Variants in SERPINA12 observed in about 807,000 individuals in gnomAD.
SERPINA12 encodes serpin A12.
A neutral mutation model predicts 25.9 loss-of-function variants in SERPINA12; 21 were observed. That is an observed-to-expected ratio of 0.81 (90% CI 0.58 to 1.17). The LOEUF is 1.17. Among genes scored for constraint, SERPINA12 ranks in the 50% most tolerant of loss-of-function variants. The pLI is 0.00. For missense variants in SERPINA12, 562 were observed against 508.3 expected, an observed-to-expected ratio of 1.11 and a Z score of -1.02; for synonymous variants, 220 against 196.0, an observed-to-expected ratio of 1.12 and a Z score of -1.02.
chr14:94,511,377 T>C, upstream of SERPINA12: 1 of 982,306 alleles, frequency 1.0e-6, no homozygotes, highest in East Asian at 1.1e-4. Flanking sequence ...CACGGTTATT[T>C]AATGGATGTG....
intron 2 of SERPINA12, among the ~76,000 whole-genome samples, chr14:94,496,981 A>T (rs780783577): frequency 5.3e-5 from 8 of 152,214 alleles, no homozygotes; most frequent in Non-Finnish European, 1.2e-4. Context: ...ATTGAGTCTG[A>T]TGTGAGTAGA....
At chr14:94,515,450 GAGCAGGGAGCCACCCACTC>G (rs1901209138) in intron 2 of SERPINA12, among the ~76,000 whole-genome samples, 1 of 152,158 alleles carries the variant, frequency 6.6e-6, no homozygotes, top group South Asian at 2.1e-4. Flanking sequence ...GGCAGTGAAG[GAGCAGGGAGCCACCCACTC>G]AGCATCTCCG....
intron 4 of SERPINA12, among the ~76,000 whole-genome samples, chr14:94,489,250 AAGAG>A (rs1234925181): frequency 4.0e-5 from 6 of 151,622 alleles, no homozygotes; most frequent in African/African-American, 1.2e-4. Context: ...GAGAGAGAGA[AAGAG>A]AGAAAGAAAG....
At chr14:94,507,702 C>T (rs1900980314) in intron 1 of SERPINA12, among the ~76,000 whole-genome samples, 2 of 152,166 alleles carry the variant, frequency 1.3e-5, no homozygotes, top group Admixed American at 1.3e-4. Flanking sequence ...CACACGAGGA[C>T]GTGGAGCAAG....
chr14:94,513,183 A>G (rs1168859144), upstream of SERPINA12, among the ~76,000 whole-genome samples: 2 of 152,204 alleles, frequency 1.3e-5, no homozygotes, highest in African/African-American at 2.4e-5. Flanking sequence ...GTGGGCTGGT[A>G]AGCAGGTCAC....
intron 4 of SERPINA12, among the ~76,000 whole-genome samples, chr14:94,488,413 C>T (rs1899992960): frequency 6.6e-6 from 1 of 151,840 alleles, no homozygotes; most frequent in African/African-American, 2.4e-5. Flanking sequence ...CAGCCTTGGC[C>T]ACACTGCTGC....
At chr14:94,513,869 G>A (rs1427346720), upstream of SERPINA12, among the ~76,000 whole-genome samples, 1 of 152,158 alleles carries the variant, frequency 6.6e-6, no homozygotes, top group Non-Finnish European at 1.5e-5. Flanking sequence ...CAGCCCCTCT[G>A]CATCACTTCC....
chr14:94,509,430 C>T lies in SERPINA12; in HGVS notation c.-122G>A, dbSNP rs541385005. 3.3e-5 allele frequency among the ~76,000 whole-genome samples: 5 copies of T among 152,204 alleles called. No homozygotes were observed. Among genetic ancestry groups the T allele is most frequent in the East Asian group, 1.9e-4 (1 of 5,184 alleles). ...TGATCCCAGCCTCCTAGTCCTTTTT[C>T]GGTCCTGGTCCTGCAGCCTTCAGGT... is the stretch of plus-strand genomic sequence containing the variant. On this transcript the variant is annotated 5_prime_UTR_variant, in exon 1 of 5. Transcript: ENST00000677451.
chr14:94,491,442 G>A (rs1223006657), intron 3 of SERPINA12, among the ~76,000 whole-genome samples: 2 of 152,060 alleles, frequency 1.3e-5, no homozygotes, highest in Non-Finnish European at 2.9e-5. Flanking sequence ...ACATAGTCTT[G>A]CTTAGGATTT....
At chr14:94,492,066 G>A (rs1359514009) in intron 3 of SERPINA12, among the ~76,000 whole-genome samples, 1 of 152,140 alleles carries the variant, frequency 6.6e-6, no homozygotes, top group Non-Finnish European at 1.5e-5. Context: ...AGAGGTGGGA[G>A]GTGATGTGAG....
chr14:94,509,926 C>A (rs1901064878), upstream of SERPINA12: 1 of 959,366 alleles, frequency 1.0e-6, no homozygotes, highest in Non-Finnish European at 1.2e-6. Context: ...GGTGTGGGCA[C>A]CCTGGCACTG....
At position 94,498,325 on chromosome 14, in the gene SERPINA12, A is replaced by C; in HGVS notation, c.73T>G (p.Phe25Val). ...AAAGCTTTATAATTCCTTGGTGAGAAGCTCGGCTTTAGAAGACCTTTCACC... is the reference window on the plus strand; with the variant it reads ...AAAGCTTTATAATTCCTTGGTGAGACGCTCGGCTTTAGAAGACCTTTCACC... ...LTVKGLLKPS[F>V]SPRNYKALSE... Residue 25 changes from phenylalanine to valine, a missense_variant, in exon 2 of 5, where the codon TTC becomes GTC. Coordinates refer to ENST00000677451, the MANE Select transcript of SERPINA12 (RefSeq NM_001382267.1). 3 of 1,614,240 alleles carry C rather than the reference A, an allele frequency of 1.9e-6. No homozygotes were observed. The highest frequency in any genetic ancestry group is 2.5e-6 in the Non-Finnish European group (3 of 1,180,038).
rs560266384 is a variant in SERPINA12, at chr14:94,488,929, T to C, written c.1053+691A>G. Reference sequence around the variant, plus strand: ...GGCCAACATGGTGAAACCCTGTCTCTACTAAAAATACAAAAAAATTAGCCG... The same window carrying C: ...GGCCAACATGGTGAAACCCTGTCTCCACTAAAAATACAAAAAAATTAGCCG... On this transcript the variant is annotated intron_variant, in intron 4 of 4. Transcript: ENST00000677451. 5.1e-4 allele frequency among the ~76,000 whole-genome samples: 77 copies of C among 152,192 alleles called. No individual in the cohort carries two copies. The South Asian group carries it at 0.015, about 29-fold the overall frequency.
upstream of SERPINA12, among the ~76,000 whole-genome samples, chr14:94,513,404 G>T (rs1267166482): frequency 1.3e-5 from 2 of 152,178 alleles, no homozygotes; most frequent in Non-Finnish European, 2.9e-5. Context: ...AAGCAGAGCG[G>T]GAGGACCTGA....
At chr14:94,491,941 G>A (rs1430331390) in intron 3 of SERPINA12, among the ~76,000 whole-genome samples, 1 of 152,154 alleles carries the variant, frequency 6.6e-6, no homozygotes, top group African/African-American at 2.4e-5. Flanking sequence ...TAGCCTGTGA[G>A]CTCACTCAGG....
At chr14:94,514,345 C>T (rs906295015), upstream of SERPINA12, among the ~76,000 whole-genome samples, 2 of 152,244 alleles carry the variant, frequency 1.3e-5, no homozygotes, top group Middle Eastern at 3.2e-3. Flanking sequence ...ATGCTGACAG[C>T]CTTGGGCATG....
chr14:94,515,654 G>A (rs78448423), intron 2 of SERPINA12, among the ~76,000 whole-genome samples: 11,575 of 152,244 alleles, frequency 0.076, 510 homozygotes, highest in African/African-American at 0.089. Context: ...AAATCCAGCA[G>A]TGCAGATGCA....
At chr14:94,504,238 C>G (rs1394441257) in intron 1 of SERPINA12, 1 of 152,156 alleles carries the variant, frequency 6.6e-6, no homozygotes, top group African/African-American at 2.4e-5. Context: ...AATGAGCTGG[C>G]GTGTATGGGC....
chr14:94,493,552 C>A (rs1235517945), intron 3 of SERPINA12, among the ~76,000 whole-genome samples: 1 of 152,172 alleles, frequency 6.6e-6, no homozygotes, highest in Non-Finnish European at 1.5e-5. Context: ...CTGAGAGCAG[C>A]CTACACTTGG....
Sources: allele counts gnomAD v4.1 joint callset (sites outside exome capture counted in the v4.1 genomes callset), GRCh38; gene constraint gnomAD v4.1.1; transcripts MANE v1.5; gene names NCBI Gene and HGNC (gene_info 2026-07-23, HGNC 2026-07-21).